The following GNAL variants were observed in gnomAD, a reference collection of about 807,000 sequenced individuals.
GNAL encodes the protein guanine nucleotide-binding protein G(olf) subunit alpha.
A neutral mutation model predicts 55.1 loss-of-function variants in GNAL; 18 were observed. The ratio of observed to expected loss-of-function variants is 0.33; its 90% CI spans 0.23 to 0.48. The LOEUF (loss-of-function observed/expected upper bound fraction) is 0.48, where lower values mean the gene tolerates loss of function less well. Ranked by LOEUF, GNAL falls within the 20% of genes least tolerant of loss-of-function variation. The pLI, the probability that GNAL is intolerant of heterozygous loss-of-function variation, is 0.99. For synonymous variants in GNAL, 253 were observed against 237.0 expected, an observed-to-expected ratio of 1.07 and a Z score of -0.62; for missense variants, 412 against 614.1, an observed-to-expected ratio of 0.67 and a Z score of 3.48.
Position 11,751,937 on chromosome 18 carries a change from C to T in GNAL, c.377-916C>T, listed in dbSNP as rs2032852176. On this transcript the variant is annotated intron_variant, in intron 1 of 11. Transcript: ENST00000334049. The surrounding 1 kb of genome is among the most constrained non-coding windows in gnomAD (Gnocchi z 4.5). ...AGGTGCCCATCGTCGCCCTCTGGGA[C>T]CCCGGTGGCGCGCTCTGTCCTCCGC... Among the ~76,000 whole-genome samples the T allele has an allele frequency of 6.6e-6, 1 of 152,210 alleles. No individual in the cohort carries two copies. The highest frequency in any genetic ancestry group is 2.4e-5 in the African/African-American group (1 of 41,468).
intron 4 of GNAL, among the ~76,000 whole-genome samples, chr18:11,764,117 T>C (rs1320655639): frequency 6.6e-6 from 1 of 151,948 alleles, no homozygotes; most frequent in African/African-American, 2.4e-5. Context: ...GTTTTTTTGT[T>C]TTTTTGAGAC....
chr18:11,749,184 G>A (rs921702939), intron 1 of GNAL, among the ~76,000 whole-genome samples: 5 of 149,034 alleles, frequency 3.4e-5, no homozygotes, highest in African/African-American at 4.9e-5. Flanking sequence ...TAGTCATAGC[G>A]CATGCTGGGT....
intron 5 of GNAL, among the ~76,000 whole-genome samples, chr18:11,827,280 T>C: frequency 6.6e-6 from 1 of 152,116 alleles, no homozygotes; most frequent in East Asian, 1.9e-4. Flanking sequence ...CTAAAGAAAG[T>C]ATTTACTCAT....
intron 4 of GNAL, among the ~76,000 whole-genome samples, chr18:11,774,570 C>T (rs2033725749): frequency 6.6e-6 from 1 of 152,124 alleles, no homozygotes; most frequent in African/African-American, 2.4e-5. Flanking sequence ...ATAACTGCAG[C>T]AATCTTATGG....
chr18:11,876,015 G>T (rs777167184), intron 10 of GNAL, among the ~76,000 whole-genome samples: 1 of 152,144 alleles, frequency 6.6e-6, no homozygotes, highest in Non-Finnish European at 1.5e-5. Flanking sequence ...CGGAGCCCTC[G>T]TGACCTCATC....
At chr18:11,805,565 A>G (rs779383433) in intron 4 of GNAL, among the ~76,000 whole-genome samples, 2 of 151,990 alleles carry the variant, frequency 1.3e-5, no homozygotes, top group South Asian at 4.2e-4. Flanking sequence ...TATGTCCTGT[A>G]TACTGATTAT....
chr18:11,701,903 G>A (rs1456222774), intron 1 of GNAL, among the ~76,000 whole-genome samples: 1 of 152,144 alleles, frequency 6.6e-6, no homozygotes, highest in Admixed American at 6.5e-5. Flanking sequence ...ACCATGATGG[G>A]AAGGTGGAGA....
intron 4 of GNAL, among the ~76,000 whole-genome samples, chr18:11,813,236 C>A (rs540592628): frequency 1.8e-4 from 24 of 130,056 alleles, no homozygotes; most frequent in African/African-American, 7.1e-4. Flanking sequence ...GCTCTGGCGA[C>A]AGGGTGAGAC....
rs536664934 is a variant in GNAL at position 11,880,211 on chromosome 18, G to T, written c.1231-778G>T. 6.0e-5 allele frequency among the ~76,000 whole-genome samples: 9 copies of T among 149,056 alleles called. 1 individual carries two copies. The highest frequency in any genetic ancestry group is 4.5e-4 in the South Asian group (2 of 4,482). On this transcript the variant is annotated intron_variant, in intron 11 of 11. Transcript: ENST00000334049. Reference sequence around the variant, plus strand: ...GGCAGAGGTTGCAGTGAGCCGAGATGGCACCACTGCACTCCAGCCTGGGGG... The same window carrying T: ...GGCAGAGGTTGCAGTGAGCCGAGATTGCACCACTGCACTCCAGCCTGGGGG...
chr18:11,735,008 C>T (rs926313365), intron 1 of GNAL, among the ~76,000 whole-genome samples: 2 of 148,410 alleles, frequency 1.3e-5, no homozygotes, highest in South Asian at 2.2e-4. Flanking sequence ...GCCAGGCCGA[C>T]GTGAGGATTG....
intron 1 of GNAL, among the ~76,000 whole-genome samples, chr18:11,714,961 TGAAACC>T (rs1316510711): frequency 6.6e-6 from 1 of 151,380 alleles, no homozygotes; most frequent in Non-Finnish European, 1.5e-5. Context: ...GGCAACATGG[TGAAACC>T]CTGTGTCTAC....
chr18:11,881,338 ATC>A lies in GNAL; in HGVS notation c.*204_*205del. The A allele has an allele frequency of 2.2e-6, 1 of 464,846 alleles. No homozygotes were observed. Among genetic ancestry groups the A allele is most frequent in the South Asian group, 4.1e-5 (1 of 24,326 alleles). 28.8% of individuals were successfully genotyped at this position (464,846 alleles called of 1,614,324 possible). On this transcript the variant is annotated 3_prime_UTR_variant, in exon 12 of 12. Transcript: ENST00000334049. This position sits in a 1 kb window ranked among gnomAD's most constrained non-coding sequence, Gnocchi z 4.8. ...GTCATTGAATACGGCCTCCCGCAGC[ATC>A]CCACCCCCAAACCACCGACTCTCAT...
intron 1 of GNAL, among the ~76,000 whole-genome samples, chr18:11,697,551 C>G (rs1053567806): frequency 1.3e-5 from 2 of 150,262 alleles, no homozygotes; most frequent in African/African-American, 4.9e-5. Context: ...GAGCAAGACT[C>G]AGTCTCAGAA....
At position 11,752,982 on chromosome 18, in the gene GNAL, G is replaced by A. The variant is rs912742377; in HGVS notation, c.449+57G>A. ...TGCAAACTTCGTCTCTCTCCCAGAC[G>A]TCCCAAAAGTGCTTTCTCTAAACAA... On this transcript the variant is annotated intron_variant, in intron 2 of 11. Transcript: ENST00000334049. This position sits in a 1 kb window ranked among gnomAD's most constrained non-coding sequence, Gnocchi z 4.5. 1 of 981,984 alleles carries A rather than the reference G, an allele frequency of 1.0e-6. No individual in the cohort carries two copies. The highest frequency in any genetic ancestry group is 1.8e-5 in the Admixed American group (1 of 54,412). 60.8% of individuals were successfully genotyped at this position (981,984 alleles called of 1,614,324 possible). A position where few individuals can be genotyped will look rare whatever the true frequency, so the allele number is the denominator to read the frequency against.
chr18:11,780,657 A>G (rs970063808), intron 4 of GNAL, among the ~76,000 whole-genome samples: 6 of 152,200 alleles, frequency 3.9e-5, no homozygotes, highest in Admixed American at 2.6e-4. Flanking sequence ...GTCTTAGCCA[A>G]TCTGCCTTTG....
At chr18:11,830,483 T>C (rs2035356018) in intron 5 of GNAL, among the ~76,000 whole-genome samples, 1 of 152,104 alleles carries the variant, frequency 6.6e-6, no homozygotes, top group South Asian at 2.1e-4. Flanking sequence ...ATTTATTCCA[T>C]GGCAGGAGTC....
At chr18:11,833,316 C>A (rs1326186731) in intron 5 of GNAL, among the ~76,000 whole-genome samples, 1 of 152,180 alleles carries the variant, frequency 6.6e-6, no homozygotes, top group African/African-American at 2.4e-5. Flanking sequence ...AGGCATGAAC[C>A]ACTGTGCCCC....
intron 4 of GNAL, among the ~76,000 whole-genome samples, chr18:11,763,170 C>T (rs935820671): frequency 6.6e-6 from 1 of 152,222 alleles, no homozygotes; most frequent in Non-Finnish European, 1.5e-5. Flanking sequence ...AAAGAAGTAC[C>T]GAATACTGCC....
In GNAL at chr18:11,705,750, C is replaced by CTTTTT. The variant is rs749198189; in HGVS notation, c.376+15828_376+15832dup. On this transcript the variant is annotated intron_variant, in intron 1 of 11. Coordinates refer to ENST00000334049, the MANE Select transcript of GNAL (RefSeq NM_182978.4). ...ATATACCTGCTGGACATTTCTATGT[C>CTTTTT]TTTTTTTTTTTTTTTTTTTTTCTGA... 2.6e-4 allele frequency among the ~76,000 whole-genome samples: 31 copies of CTTTTT among 118,344 alleles called. 1 individual carries two copies. Among genetic ancestry groups the CTTTTT allele is most frequent in the Non-Finnish European group, 3.0e-4 (17 of 57,120 alleles). The allele number at this position is 118,344 out of a possible 152,430, so 77.6% of individuals were successfully genotyped here. A position where few individuals can be genotyped will look rare whatever the true frequency, so the allele number is the denominator to read the frequency against.
Sources: allele counts gnomAD v4.1 joint callset (sites outside exome capture counted in the v4.1 genomes callset), GRCh38; gene constraint gnomAD v4.1.1; non-coding constraint Gnocchi (gnomAD v3.1); transcripts MANE v1.5; gene names NCBI Gene and HGNC (gene_info 2026-07-23, HGNC 2026-07-21).